The following USP42 variants were observed in gnomAD, a reference collection of about 807,000 sequenced individuals.
USP42 encodes the protein ubiquitin specific peptidase 42.
USP42 carries 23 observed loss-of-function variants against 113.0 expected under a neutral mutation model. The ratio of observed to expected loss-of-function variants is 0.20; its 90% CI spans 0.15 to 0.29. USP42 has a LOEUF of 0.29. Among genes scored for constraint, USP42 ranks in the 10% least tolerant of loss-of-function variants. The pLI is 1.00. For synonymous variants in USP42, 933 were observed against 699.0 expected (o/e 1.33, Z -5.28); for missense variants, 2,174 against 1,779.8 (o/e 1.22, Z -3.99).
intron 10 of USP42, 91 bp from the exon 11 acceptor site, chr7:6,146,057 A>G (rs1049408381): frequency 3.2e-5 from 32 of 1,010,760 alleles, no homozygotes; most frequent in Middle Eastern, 2.9e-4. Context: ...GTGAGACTCC[A>G]TCTCAAAAAA....
Position 6,154,668 on chromosome 7 carries a change from C to T in USP42, c.3114C>T (p.Thr1038=). 3 of 1,605,690 alleles carry T rather than the reference C, an allele frequency of 1.9e-6. No individual in the cohort carries two copies. The highest frequency in any genetic ancestry group is 2.2e-5 in the East Asian group (1 of 44,584). The part of the protein sequence containing the change: ...VELDWVRHHY[T]EGERGWGREK... ...TGGACTGGGTCAGACACCACTACAC[C>T]GAGGGCGAGCGTGGCTGGGGCCGGG... The change falls in exon 15 of 18, where the codon ACC becomes ACT. Residue 1038 remains threonine (T), a synonymous_variant. Coordinates refer to ENST00000306177, the MANE Select transcript of USP42 (RefSeq NM_032172.3).
chr7:6,159,409 C>A lies in USP42; in HGVS notation c.3944-41C>A, dbSNP rs529095814. 1 of 1,613,584 alleles carries A rather than the reference C, an allele frequency of 6.2e-7. No individual in the cohort carries two copies. The highest frequency in any genetic ancestry group is 1.3e-5 in the African/African-American group (1 of 74,910). On this transcript the variant is annotated intron_variant, in intron 16 of 17. Transcript: ENST00000306177. The surrounding 1 kb of genome is among the most constrained non-coding windows in gnomAD (Gnocchi z 4.1). ...CACAGCAGAGGCCCTGGCGATTTTG[C>A]AACCATCATTAAAATCTCTTTCCTG... is the stretch of plus-strand genomic sequence containing the variant.
intron 1 of USP42, among the ~76,000 whole-genome samples, chr7:6,106,091 G>T (rs1391708899): frequency 1.3e-5 from 2 of 152,166 alleles, no homozygotes; most frequent in Admixed American, 6.5e-5. Flanking sequence ...TTGCCTAGGG[G>T]ATATGAATGA....
intron 14 of USP42, among the ~76,000 whole-genome samples, chr7:6,153,293 GAAAC>G (rs1323264733): frequency 7.7e-6 from 1 of 129,660 alleles, no homozygotes; most frequent in Non-Finnish European, 1.6e-5. Flanking sequence ...AAAACAAAAT[GAAAC>G]AAAACAAAAA....
chr7:6,089,433 T>C, the USP42 span, among the ~76,000 whole-genome samples: 462 of 150,930 alleles, frequency 3.1e-3, 5 homozygotes, highest in Non-Finnish European at 4.8e-3. Context: ...CAAAGCATCA[T>C]AAATACAGAA....
At position 6,157,041 on chromosome 7, in the gene USP42, T is replaced by C. The variant is rs764268159; in HGVS notation, c.3929T>C (p.Phe1310Ser). ...AGCAGGGATGACAGGTGTCGTCTCT[T>C]TGAGTATGGCCAGGGTAAGAGGAGA... is the stretch of plus-strand genomic sequence containing the variant. ...MESRDDRCRL[F>S]EYGQGD Residue 1310 changes from phenylalanine (F) to serine (S), a missense_variant, in exon 16 of 18, where the codon TTT becomes TCT. By Grantham distance (155) the Phe-to-Ser change is radical. Coordinates refer to ENST00000306177, the MANE Select transcript of USP42 (RefSeq NM_032172.3). The surrounding 1 kb of genome is among the most constrained non-coding windows in gnomAD (Gnocchi z 4.1). 2.5e-6 allele frequency: 4 copies of C among 1,606,264 alleles called. No individual in the cohort carries two copies. The highest frequency in any genetic ancestry group is 1.7e-5 in the Admixed American group (1 of 57,944).
chr7:6,151,823 G>A (rs566405738), intron 14 of USP42, among the ~76,000 whole-genome samples: 1 of 152,088 alleles, frequency 6.6e-6, no homozygotes, highest in Non-Finnish European at 1.5e-5. Context: ...CAGTGCAGTG[G>A]GTTTGTTTAC....
At position 6,146,192 on chromosome 7, in the gene USP42, T is replaced by C. The variant is rs372286922; in HGVS notation, c.1176T>C (p.Ser392=). 2 of 1,604,906 alleles carry C rather than the reference T, an allele frequency of 1.2e-6. No homozygotes were observed. Among genetic ancestry groups the C allele is most frequent in the Non-Finnish European group, 1.7e-6 (2 of 1,176,020 alleles). ...LWYQMNDSIV[S]TSDIRSVLSQ... Reference sequence around the variant, plus strand: ...ATCAAATGAATGACTCCATTGTATCTACCAGTGATATTAGATCGGTACTCA... The same window carrying C: ...ATCAAATGAATGACTCCATTGTATCCACCAGTGATATTAGATCGGTACTCA... Residue 392 remains serine (S), a synonymous_variant, in exon 11 of 18, where the codon TCT becomes TCC. Coordinates refer to ENST00000306177, the MANE Select transcript of USP42 (RefSeq NM_032172.3).
chr7:6,137,048 T>C (rs1222934855), intron 4 of USP42, among the ~76,000 whole-genome samples: 1 of 152,248 alleles, frequency 6.6e-6, no homozygotes, highest in African/African-American at 2.4e-5. Flanking sequence ...CATGAAATTT[T>C]CTTACATTCT....
intron 14 of USP42, chr7:6,152,997 G>A (rs1267260013): frequency 9.1e-6 from 9 of 984,182 alleles, no homozygotes; most frequent in Middle Eastern, 5.2e-4. Flanking sequence ...GCGGCCAGGC[G>A]CGGTGGCTCA....
intron 3 of USP42, among the ~76,000 whole-genome samples, chr7:6,127,914 T>G (rs979531738): frequency 6.6e-6 from 1 of 152,180 alleles, no homozygotes; most frequent in Non-Finnish European, 1.5e-5. Context: ...TCCTGCTTTT[T>G]TTGTTGTTGT....
chr7:6,114,671 TATATATA>T (rs1400361683), intron 2 of USP42, among the ~76,000 whole-genome samples: 16 of 44,478 alleles, frequency 3.6e-4, no homozygotes, highest in South Asian at 3.5e-3. Flanking sequence ...TATATATATA[TATATATA>T]TTTTTTTTTT....
chr7:6,136,092 C>T (rs922192020), intron 4 of USP42, 141 bp downstream of exon 4: 24 of 537,642 alleles, frequency 4.5e-5, no homozygotes, highest in Non-Finnish European at 7.2e-5. Context: ...GCAGCTTCCA[C>T]CTCCCAGGTT....
intron 3 of USP42, 107 bp from the exon 4 acceptor site, chr7:6,135,734 A>G (rs1231169605): frequency 1.1e-5 from 5 of 450,622 alleles, no homozygotes; most frequent in Non-Finnish European, 2.0e-5. Flanking sequence ...GCATGCATAT[A>G]GCAGCTATTA....
Position 6,147,815 on chromosome 7 carries a change from A to C in USP42, c.1309A>C (p.Ile437Leu). Residue 437 changes from isoleucine (I) to leucine (L), a missense_variant, in exon 12 of 18, where the codon ATC becomes CTC. By Grantham distance (5) the Ile-to-Leu change is conservative (BLOSUM62 2). Transcript: ENST00000306177. ...CGGCCAGTCCTCTCCCCGCCCCGTCATCAGTCAGCGGGTTGTCACCAACAA... is the reference window on the plus strand; with the variant it reads ...CGGCCAGTCCTCTCCCCGCCCCGTCCTCAGTCAGCGGGTTGTCACCAACAA... ...SPGQSSPRPV[I>L]SQRVVTNKQA... 1 of 1,613,680 alleles carries C rather than the reference A, an allele frequency of 6.2e-7. No individual in the cohort carries two copies. Among genetic ancestry groups the C allele is most frequent in the African/African-American group, 1.3e-5 (1 of 75,032 alleles).
intron 7 of USP42, among the ~76,000 whole-genome samples, chr7:6,141,358 C>T (rs534690047): frequency 6.6e-6 from 1 of 151,450 alleles, no homozygotes; most frequent in Non-Finnish European, 1.5e-5. Context: ...GCATGTGCCA[C>T]CATGCCCAGC....
intron 3 of USP42, among the ~76,000 whole-genome samples, chr7:6,117,227 C>G (rs985202142): frequency 6.6e-6 from 1 of 152,154 alleles, no homozygotes; most frequent in Non-Finnish European, 1.5e-5. Flanking sequence ...CCGGCAACCA[C>G]TGATCTGCTT....
rs1055175761 is a variant in USP42 at position 6,142,728 on chromosome 7, A to T, written c.796-204A>T. ...GTGAGACCCCTGTCTCTACAAAAAA[A>T]TGAAAAATTTAGCTGGGCATGGTGG... On this transcript the variant is annotated intron_variant, in intron 7 of 17. Transcript: ENST00000306177. 2.6e-5 allele frequency among the ~76,000 whole-genome samples: 4 copies of T among 152,150 alleles called. No individual in the cohort carries two copies. The East Asian group carries it at 7.7e-4, about 29-fold the overall frequency.
At chr7:6,153,543 T>G (rs953001334) in intron 14 of USP42, among the ~76,000 whole-genome samples, 15 of 151,992 alleles carry the variant, frequency 9.9e-5, no homozygotes, top group African/African-American at 3.1e-4. Context: ...AAATGACGAG[T>G]TAATGGGTGC....
Sources: allele counts gnomAD v4.1 joint callset (sites outside exome capture counted in the v4.1 genomes callset), GRCh38; gene constraint gnomAD v4.1.1; non-coding constraint Gnocchi (gnomAD v3.1); transcripts MANE v1.5; gene names NCBI Gene and HGNC (gene_info 2026-07-23, HGNC 2026-07-21).